The following LPXN variants were observed in gnomAD, a reference collection of about 807,000 sequenced individuals.
The protein encoded by LPXN is leupaxin.
A neutral mutation model predicts 45.6 loss-of-function variants in LPXN; 28 were observed. The ratio of observed to expected loss-of-function variants is 0.61; its 90% CI spans 0.45 to 0.84. LPXN has a LOEUF of 0.84. Ranked by LOEUF, LPXN falls within the 40% of genes least tolerant of loss-of-function variation. The probability of loss-of-function intolerance (pLI) is 0.00; values close to 1 mark genes in which losing one functional copy is unlikely to be tolerated. For missense variants in LPXN, 459 were observed against 475.0 expected, an observed-to-expected ratio of 0.97 and a Z score of 0.31; for synonymous variants, 166 against 169.9, an observed-to-expected ratio of 0.98 and a Z score of 0.18.
chr11:58,554,968 T>C (rs770715722), intron 3 of LPXN, 28 bp from the exon 4 acceptor site: 16 of 1,436,314 alleles, frequency 1.1e-5, no homozygotes, highest in Admixed American at 3.4e-5. Context: ...AAAAGTCATA[T>C]GAACAAATCA....
At chr11:58,549,326 G>A (rs1303895813) in intron 7 of LPXN, among the ~76,000 whole-genome samples, 1 of 152,112 alleles carries the variant, frequency 6.6e-6, no homozygotes, top group South Asian at 2.1e-4. Flanking sequence ...CCCAGGAGGT[G>A]GAGGTTGCAG....
chr11:58,538,044 T>C (rs1259636437), intron 7 of LPXN, among the ~76,000 whole-genome samples: 3 of 151,430 alleles, frequency 2.0e-5, no homozygotes, highest in East Asian at 2.0e-4. Flanking sequence ...GTCCTTGCGA[T>C]AGTTTACTGA....
intron 7 of LPXN, among the ~76,000 whole-genome samples, chr11:58,539,225 G>A (rs879695307): frequency 1.4e-4 from 21 of 152,106 alleles, no homozygotes; most frequent in Admixed American, 1.1e-3. Context: ...TGGGAGAATC[G>A]CTTGAGTCCA....
intron 3 of LPXN, among the ~76,000 whole-genome samples, chr11:58,558,376 A>G (rs1228433898): frequency 2.6e-5 from 4 of 151,680 alleles, no homozygotes; most frequent in Admixed American, 6.6e-5. Context: ...TGTCTCTACA[A>G]AAATTTAAAA....
intron 7 of LPXN, among the ~76,000 whole-genome samples, chr11:58,533,297 G>A (rs1050766889): frequency 6.6e-6 from 1 of 152,208 alleles, no homozygotes; most frequent in African/African-American, 2.4e-5. Context: ...AACCCACAAA[G>A]GGAAGCCCAT....
At chr11:58,549,745 C>A in intron 7 of LPXN, 41 bp downstream of exon 7, 2 of 1,569,104 alleles carry the variant, frequency 1.3e-6, no homozygotes, top group Non-Finnish European at 1.8e-6. Context: ...TTATAACTAC[C>A]CACTGGGGTG....
At chr11:58,574,901 T>G (rs1243197843) in intron 1 of LPXN, among the ~76,000 whole-genome samples, 1 of 152,200 alleles carries the variant, frequency 6.6e-6, no homozygotes, top group Non-Finnish European at 1.5e-5. Context: ...TTTTTGCACT[T>G]TTGACATACC....
chr11:58,572,211 A>G (rs1476436216), intron 1 of LPXN, among the ~76,000 whole-genome samples: 5 of 152,188 alleles, frequency 3.3e-5, no homozygotes, highest in African/African-American at 1.2e-4. Context: ...AGGTCATTAA[A>G]AAAAAAACAG....
intron 7 of LPXN, among the ~76,000 whole-genome samples, chr11:58,544,208 A>G (rs189591898): frequency 6.6e-6 from 1 of 152,310 alleles, no homozygotes; most frequent in East Asian, 1.9e-4. Flanking sequence ...TATTTAAGAA[A>G]AACAAATACC....
rs776519444 is a variant in LPXN, at chr11:58,528,235, T to C, written c.743-44A>G. On this transcript the variant is annotated intron_variant, in intron 7 of 8. Transcript: ENST00000395074. ...GAATTCACTGTTGCAGGTTGAGCCC[T>C]GAAAGCTACACTGGAGACTGAGAGG... 16 of 1,595,190 alleles carry C rather than the reference T, an allele frequency of 1.0e-5. No homozygotes were observed. In the East Asian group the frequency reaches 2.5e-4, roughly 25 times the overall value.
intron 7 of LPXN, among the ~76,000 whole-genome samples, chr11:58,546,830 C>A (rs925600218): frequency 1.3e-5 from 2 of 152,066 alleles, no homozygotes; most frequent in African/African-American, 4.8e-5. Flanking sequence ...GCAAAACATC[C>A]CTCCAAACAG....
Position 58,565,138 on chromosome 11 carries a change from T to A in LPXN, c.172-937A>T, listed in dbSNP as rs991262529. 9.5e-4 allele frequency among the ~76,000 whole-genome samples: 145 copies of A among 152,366 alleles called. 1 individual carries two copies. Among genetic ancestry groups the A allele is most frequent in the Non-Finnish European group, 1.7e-3 (118 of 68,032 alleles). On this transcript the variant is annotated intron_variant, in intron 2 of 8. Coordinates refer to ENST00000395074, the MANE Select transcript of LPXN (RefSeq NM_004811.3). The stretch of plus-strand genomic sequence containing the variant: ...AAAATAAGTCATATTGTATCATTTT[T>A]AAAATATGTGTTTATTGGCCAGGCA...
intron 3 of LPXN, among the ~76,000 whole-genome samples, chr11:58,563,820 G>A (rs927299799): frequency 6.6e-6 from 1 of 152,208 alleles, no homozygotes; most frequent in East Asian, 1.9e-4. Context: ...GTTTCTTCAG[G>A]TGTGTTTTAT....
intron 3 of LPXN, among the ~76,000 whole-genome samples, chr11:58,559,473 T>C (rs1457341313): frequency 1.3e-5 from 2 of 152,228 alleles, no homozygotes; most frequent in Admixed American, 6.5e-5. Context: ...GGTTCATCCA[T>C]GCTATAGAAT....
At chr11:58,541,191 G>T (rs541039162) in intron 7 of LPXN, among the ~76,000 whole-genome samples, 3 of 152,264 alleles carry the variant, frequency 2.0e-5, no homozygotes, top group East Asian at 1.9e-4. Flanking sequence ...AGACAAATGG[G>T]ATCTAATTAA....
chr11:58,528,639 A>G (rs1160672761), intron 7 of LPXN, among the ~76,000 whole-genome samples: 2 of 152,224 alleles, frequency 1.3e-5, no homozygotes, highest in African/African-American at 4.8e-5. Context: ...CCCTTACAGG[A>G]ACATTAGCTC....
In LPXN at chr11:58,575,806, C is replaced by T. The variant is rs747690232; in HGVS notation, c.-34G>A. The stretch of plus-strand genomic sequence containing the variant: ...ATCCAAGATGCTCTTGTCTCACAGG[C>T]CGTGAGGAACAGCTTTGGCATGTGC... On this transcript the variant is annotated 5_prime_UTR_variant, in exon 1 of 9. Transcript: ENST00000395074. 1.5e-5 allele frequency: 25 copies of T among 1,614,202 alleles called. No individual in the cohort carries two copies. Among genetic ancestry groups the T allele is most frequent in the Non-Finnish European group, 1.9e-5 (23 of 1,180,024 alleles).
chr11:58,578,205 G>A, upstream of LPXN: 1 of 927,126 alleles, frequency 1.1e-6, no homozygotes, highest in South Asian at 1.8e-5. Flanking sequence ...TTGGCTCGAC[G>A]CTTGAGCCCG....
chr11:58,550,742 A>G (rs1854024725), intron 5 of LPXN, among the ~76,000 whole-genome samples: 1 of 152,234 alleles, frequency 6.6e-6, no homozygotes, highest in Non-Finnish European at 1.5e-5. Flanking sequence ...AAAATGGTCA[A>G]GAACTCAAAC....
Sources: gnomAD v4.1 joint callset for allele counts (sites outside exome capture counted in the v4.1 genomes callset) on GRCh38, gnomAD v4.1.1 for gene constraint, MANE v1.5 for transcripts, NCBI Gene and HGNC (gene_info 2026-07-23, HGNC 2026-07-21) for gene names.